The following NELL2 variants were observed in gnomAD, a reference collection of about 807,000 sequenced individuals.
NELL2 encodes the protein protein kinase C-binding protein NELL2.
In NELL2, 41 loss-of-function variants were observed where a neutral mutation model predicts 109.6. The observed-to-expected ratio is 0.37, with a 90% confidence interval of 0.29 to 0.49. The LOEUF (loss-of-function observed/expected upper bound fraction) is 0.49. NELL2 is among the 20% of genes least tolerant of loss of function. NELL2 has a pLI of 0.98. For missense variants in NELL2, 900 were observed against 1,008.3 expected, an observed-to-expected ratio of 0.89 and a Z score of 1.45; for synonymous variants, 355 against 344.7, an observed-to-expected ratio of 1.03 and a Z score of -0.33.
intron 3 of NELL2, among the ~76,000 whole-genome samples, chr12:44,784,271 C>T (rs1376151978): frequency 3.3e-5 from 5 of 151,892 alleles, no homozygotes; most frequent in Non-Finnish European, 7.4e-5. Flanking sequence ...CTCTCGTTCC[C>T]ACCATTCTTA....
intron 19 of NELL2, among the ~76,000 whole-genome samples, chr12:44,514,466 G>C (rs1217178264): frequency 6.6e-6 from 1 of 151,114 alleles, no homozygotes; most frequent in Non-Finnish European, 1.5e-5. Context: ...GAGAGAGATA[G>C]AGAGAGAGAC....
chr12:44,766,446 T>A (rs1032571974), intron 9 of NELL2, among the ~76,000 whole-genome samples: 3 of 152,208 alleles, frequency 2.0e-5, no homozygotes, highest in East Asian at 3.8e-4. Flanking sequence ...ATTGCCAAAA[T>A]CAACTTCTAA....
At chr12:44,532,508 T>C in intron 16 of NELL2, 73 bp downstream of exon 16, 2 of 1,449,374 alleles carry the variant, frequency 1.4e-6, no homozygotes, top group South Asian at 1.4e-5. Context: ...CAATGTCTTC[T>C]ATTTATAGCT....
intron 9 of NELL2, among the ~76,000 whole-genome samples, chr12:44,728,616 T>G (rs893015457): frequency 3.9e-5 from 6 of 152,106 alleles, no homozygotes; most frequent in Non-Finnish European, 8.8e-5. Flanking sequence ...AATGTACATC[T>G]AAATTCAAGA....
intron 15 of NELL2, among the ~76,000 whole-genome samples, chr12:44,582,341 C>T (rs1302602681): frequency 6.6e-6 from 1 of 151,968 alleles, no homozygotes; most frequent in African/African-American, 2.4e-5. Context: ...AGAATGGAAG[C>T]CAAAGATTAC....
At chr12:44,520,447 A>T (rs1565862933) in intron 18 of NELL2, among the ~76,000 whole-genome samples, 1 of 152,196 alleles carries the variant, frequency 6.6e-6, no homozygotes, top group Non-Finnish European at 1.5e-5. Flanking sequence ...TTTTCAAACA[A>T]TCTTCAGGAT....
chr12:44,837,728 CT>C (rs915502593), intron 2 of NELL2, among the ~76,000 whole-genome samples: 1 of 152,012 alleles, frequency 6.6e-6, no homozygotes, highest in African/African-American at 2.4e-5. Flanking sequence ...CTGCCAGATC[CT>C]TTTCCAAATA....
In NELL2 at chr12:44,521,529, C is replaced by CAAAAAAAAAAAAAAAA. The variant is rs56713964; in HGVS notation, c.2175+470_2175+471insTTTTTTTTTTTTTTTT. ...TGGGCGACAGAGCGAGACTCCGTCT[C>CAAAAAAAAAAAAAAAA]AAAAAAAAAAAAAGAAGGTTGCGGT... On this transcript the variant is annotated intron_variant, in intron 18 of 19. Transcript: ENST00000429094. Among the ~76,000 whole-genome samples the CAAAAAAAAAAAAAAAA allele has an allele frequency of 2.6e-4, 29 of 111,366 alleles. 1 individual carries two copies. Among genetic ancestry groups the CAAAAAAAAAAAAAAAA allele is most frequent in the African/African-American group, 9.9e-4 (24 of 24,270 alleles). The allele number at this position is 111,366 out of a possible 152,430, so 73.1% of individuals were successfully genotyped here. A position where few individuals can be genotyped will look rare whatever the true frequency, so the allele number is the denominator to read the frequency against.
At chr12:44,901,184 T>C (rs998727189) in intron 1 of NELL2, among the ~76,000 whole-genome samples, 2 of 151,350 alleles carry the variant, frequency 1.3e-5, no homozygotes, top group Non-Finnish European at 2.9e-5. Flanking sequence ...GAGAGAAGAA[T>C]CAAATAGACA....
chr12:44,847,837 T>C (rs887511100), intron 2 of NELL2, among the ~76,000 whole-genome samples: 2 of 151,544 alleles, frequency 1.3e-5, no homozygotes, highest in African/African-American at 4.8e-5. Context: ...TTCAAGACCA[T>C]CCTGGCCAAC....
At chr12:44,741,683 C>T (rs898939225) in intron 9 of NELL2, among the ~76,000 whole-genome samples, 21 of 152,356 alleles carry the variant, frequency 1.4e-4, no homozygotes, top group South Asian at 2.1e-4. Flanking sequence ...GAGGGTCCTA[C>T]GCCCACAGAG....
intron 10 of NELL2, among the ~76,000 whole-genome samples, chr12:44,714,242 A>G (rs1006826961): frequency 1.3e-5 from 2 of 151,940 alleles, no homozygotes; most frequent in Non-Finnish European, 2.9e-5. Context: ...ACTCCATCCA[A>G]CAATTAATTT....
intron 2 of NELL2, among the ~76,000 whole-genome samples, chr12:44,818,145 G>C (rs543679556): frequency 6.6e-6 from 1 of 152,328 alleles, no homozygotes; most frequent in South Asian, 2.1e-4. Context: ...AAGACAGGCT[G>C]TGGAGGAGAT....
intron 13 of NELL2, among the ~76,000 whole-genome samples, chr12:44,611,945 C>T (rs1378774789): frequency 6.6e-6 from 1 of 152,080 alleles, no homozygotes; most frequent in Non-Finnish European, 1.5e-5. Context: ...CCTACAGTGG[C>T]ACTACTTAGT....
chr12:44,843,617 A>G (rs1944289515), intron 2 of NELL2, among the ~76,000 whole-genome samples: 1 of 152,238 alleles, frequency 6.6e-6, no homozygotes, highest in Admixed American at 6.5e-5. Context: ...CTGAGACTGA[A>G]TAATTTATAA....
chr12:44,644,783 T>C (rs960320941), intron 13 of NELL2, among the ~76,000 whole-genome samples: 15 of 151,574 alleles, frequency 9.9e-5, no homozygotes, highest in African/African-American at 3.6e-4. Flanking sequence ...CTGCTACTCA[T>C]TCATCTATAC....
chr12:44,897,993 C>A (rs1250127257), intron 1 of NELL2, among the ~76,000 whole-genome samples: 3 of 152,178 alleles, frequency 2.0e-5, no homozygotes, highest in Admixed American at 1.3e-4. Context: ...TATAAACAAG[C>A]TGTTGGGAAC....
At chr12:44,835,055 G>A (rs1475315914) in intron 2 of NELL2, among the ~76,000 whole-genome samples, 1 of 152,044 alleles carries the variant, frequency 6.6e-6, no homozygotes, top group Non-Finnish European at 1.5e-5. Context: ...CAGTTTATCG[G>A]GGACACACTC....
intron 15 of NELL2, among the ~76,000 whole-genome samples, chr12:44,599,212 T>C (rs535498562): frequency 2.2e-4 from 34 of 152,074 alleles, no homozygotes; most frequent in African/African-American, 7.7e-4. Flanking sequence ...CCAAAACATA[T>C]GAGGAAACAA....
Sources: gnomAD v4.1 joint callset for allele counts (sites outside exome capture counted in the v4.1 genomes callset) on GRCh38, gnomAD v4.1.1 for gene constraint, MANE v1.5 for transcripts, NCBI Gene and HGNC (gene_info 2026-07-23, HGNC 2026-07-21) for gene names.